PNPLA7: variants seen among roughly 807,000 people sequenced by gnomAD.
PNPLA7 encodes the protein patatin-like phospholipase domain-containing protein 7.
Under a neutral mutation model 161.7 loss-of-function variants are expected in PNPLA7, and 153 were observed. That is an observed-to-expected ratio of 0.95 (90% confidence interval 0.83 to 1.08). The LOEUF (loss-of-function observed/expected upper bound fraction) is 1.08. PNPLA7 is among the 50% of genes least tolerant of loss of function. The pLI, the probability that PNPLA7 is intolerant of heterozygous loss-of-function variation, is 0.00. For synonymous variants in PNPLA7, 809 were observed against 782.1 expected (o/e 1.03, Z -0.57); for missense variants, 1,739 against 1,856.6 (o/e 0.94, Z 1.16).
intron 14 of PNPLA7, among the ~76,000 whole-genome samples, chr9:137,504,209 G>GAGATTTTT (rs1833790651): frequency 6.7e-6 from 1 of 149,238 alleles, no homozygotes; most frequent in East Asian, 2.0e-4. Context: ...AAGAAGAAGA[G>GAGATTTTT]AGATTTTTTT....
Position 137,515,512 on chromosome 9 carries a change from C to T in PNPLA7, c.1092G>A (p.Gly364=), listed in dbSNP as rs956734361. The T allele has an allele frequency of 2.6e-6, 4 of 1,553,708 alleles. No homozygotes were observed. In the African/African-American group the frequency reaches 5.4e-5, roughly 21 times the overall value. ...RLQESCDSDH[G]GGRPAAAGPL... ...GCCCAGCAGCTGCCGGGCGGCCGCC[C>T]CCGTGATCTGCTGGGGAGGCAGCCG... The change falls in exon 12 of 35, where the codon GGG becomes GGA. Residue 364 remains glycine, a synonymous_variant. Transcript: ENST00000406427.
chr9:137,484,640 T>C lies in PNPLA7; in HGVS notation c.2294A>G (p.Glu765Gly), dbSNP rs1282610544. 2 of 1,612,476 alleles carry C rather than the reference T, an allele frequency of 1.2e-6. No homozygotes were observed. Among genetic ancestry groups the C allele is most frequent in the Non-Finnish European group, 1.7e-6 (2 of 1,179,436 alleles). Residue 765 changes from glutamate (E) to glycine (G), a missense_variant, in exon 21 of 35, where the codon GAA (glutamate) becomes GGA (glycine). Around this residue, in one of 6 missense-constraint regions of PNPLA7, gnomAD observed 192 missense variants for 249.5 expected, o/e 0.77. Transcript: ENST00000406427. ...CAGGGCGAAGGCGGTGAGGGGCACT[T>C]CCTCTGACACGGGCATCACTGCCAC... ...STVAVMPVSE[E>G]VPLTAFALEL...
chr9:137,507,239 C>T (rs1466213716), intron 12 of PNPLA7, among the ~76,000 whole-genome samples: 1 of 152,264 alleles, frequency 6.6e-6, no homozygotes, highest in African/African-American at 2.4e-5. Context: ...GGAAAGCAAT[C>T]TATGGCAACA....
chr9:137,495,103 G>A lies in PNPLA7; in HGVS notation c.2057C>T (p.Ala686Val), dbSNP rs1832979981. Residue 686 changes from alanine to valine, a missense_variant, in exon 19 of 35, where the codon GCC (alanine) becomes GTC (valine). Ala to Val is a moderately conservative substitution (Grantham distance 64, BLOSUM62 0). Around this residue, in one of 6 missense-constraint regions of PNPLA7, gnomAD observed 192 missense variants for 249.5 expected, o/e 0.77. Transcript: ENST00000406427. ...CTTGGCCAATTCTGAGTCCCGAACGGCATGCACCGTGGTCGCCCGGGCCTG... is the reference window on the plus strand; with the variant it reads ...CTTGGCCAATTCTGAGTCCCGAACGACATGCACCGTGGTCGCCCGGGCCTG... ...THQARATTVH[A>V]VRDSELAKLP... 3 of 1,608,162 alleles carry A rather than the reference G, an allele frequency of 1.9e-6. No individual in the cohort carries two copies. Among genetic ancestry groups the A allele is most frequent in the Non-Finnish European group, 1.7e-6 (2 of 1,179,236 alleles).
At position 137,542,606 on chromosome 9, in the gene PNPLA7, AGCCGCCTGACCCCGCCCC is replaced by A; in HGVS notation, c.666+18_666+35del. The A allele has an allele frequency of 6.6e-7, 1 of 1,520,498 alleles. No homozygotes were observed. The highest frequency in any genetic ancestry group is 8.9e-7 in the Non-Finnish European group (1 of 1,124,872). The allele number at this position is 1,520,498 out of a possible 1,614,324, so 94.2% of individuals were successfully genotyped here. On this transcript the variant is annotated intron_variant, in intron 7 of 34. Coordinates refer to ENST00000406427, the MANE Select transcript of PNPLA7 (RefSeq NM_001098537.3). ...AAGACAGACGTGGAGGTAAATGCGC[AGCCGCCTGACCCCGCCCC>A]GCCGCCCTGCGACTCACAGTGTCCT...
rs766611470 is a variant in PNPLA7 at position 137,490,157 on chromosome 9, G to A, written c.2197+2856C>T. On this transcript the variant is annotated intron_variant, in intron 20 of 34. Transcript: ENST00000406427. The surrounding 1 kb of genome is among the most constrained non-coding windows in gnomAD (Gnocchi z 4.1). The stretch of plus-strand genomic sequence containing the variant: ...TGACCAGGCTGGACTGCGGTGGCGC[G>A]ATCATAGCTCACTGTAACCTCGAAC... Among the ~76,000 whole-genome samples, 2 of 152,112 alleles carry A rather than the reference G, an allele frequency of 1.3e-5. No homozygotes were observed. Among genetic ancestry groups the A allele is most frequent in the Admixed American group, 6.5e-5 (1 of 15,268 alleles).
intron 18 of PNPLA7, 103 bp from the exon 19 acceptor site, chr9:137,495,249 C>T (rs1396225774): frequency 2.7e-6 from 2 of 741,742 alleles, no homozygotes; most frequent in South Asian, 3.5e-5. Context: ...ACACATGACA[C>T]CCCATCCACA....
chr9:137,519,798 G>C (rs1001486702), intron 11 of PNPLA7, 119 bp downstream of exon 11: 1 of 1,348,054 alleles, frequency 7.4e-7, no homozygotes, highest in Admixed American at 2.4e-5. Context: ...GAGGTGACCC[G>C]GGGATGTGTG....
In PNPLA7 at chr9:137,464,331, G is replaced by C. The variant is rs764508061; in HGVS notation, c.3156+9C>G. On this transcript the variant is annotated intron_variant, in intron 27 of 34. Transcript: ENST00000406427. The stretch of plus-strand genomic sequence containing the variant: ...GGGGCTGCATGGGCTCCTGAGGGTG[G>C]GGGTGCACCTCGATCTGCTGGTCCT... The C allele has an allele frequency of 1.9e-6, 3 of 1,612,206 alleles. No homozygotes were observed. In the South Asian group the frequency reaches 3.3e-5, roughly 18 times the overall value.
intron 15 of PNPLA7, 131 bp from the exon 16 acceptor site, chr9:137,501,027 A>C: frequency 1.4e-6 from 1 of 723,370 alleles, no homozygotes; most frequent in Admixed American, 3.0e-5. Flanking sequence ...AGCTCTGGGC[A>C]TGGACTTCAC....
chr9:137,483,377 G>A (rs1029914975), intron 21 of PNPLA7, among the ~76,000 whole-genome samples: 1 of 152,190 alleles, frequency 6.6e-6, no homozygotes, highest in African/African-American at 2.4e-5. Context: ...GGGAATATGT[G>A]TCATGTAACG....
rs1254851424 is a variant in PNPLA7, at chr9:137,501,692, C to T, written c.1509G>A (p.Leu503=). The change falls in exon 15 of 35, where the codon CTG becomes CTA. Residue 503 remains leucine (L), a synonymous_variant. Coordinates refer to ENST00000406427, the MANE Select transcript of PNPLA7 (RefSeq NM_001098537.3). ...ACACCACCGTGCCTGCAGGAACGTG[C>T]AGAAGCGCCACCCGGCCATCCAACA... is the stretch of plus-strand genomic sequence containing the variant. ...SSLLDGRVAL[L]HVPAGTVVSR... The T allele has an allele frequency of 1.2e-6, 2 of 1,612,694 alleles. No individual in the cohort carries two copies. Among genetic ancestry groups the T allele is most frequent in the South Asian group, 2.2e-5 (2 of 91,078 alleles).
intron 8 of PNPLA7, among the ~76,000 whole-genome samples, chr9:137,526,702 G>T (rs1835321130): frequency 6.6e-6 from 1 of 152,186 alleles, no homozygotes; most frequent in African/African-American, 2.4e-5. Flanking sequence ...TCCCAAGTTT[G>T]CAGTTTTGGA....
In PNPLA7 at chr9:137,540,207, C is replaced by T. The variant is rs1184159603; in HGVS notation, c.747+435G>A. On this transcript the variant is annotated intron_variant, in intron 8 of 34. Coordinates refer to ENST00000406427, the MANE Select transcript of PNPLA7 (RefSeq NM_001098537.3). This position sits in a 1 kb window ranked among gnomAD's most constrained non-coding sequence, Gnocchi z 5.1. Reference sequence around the variant, plus strand: ...GGACACAGGAAACCATTCACTGCAACGACGAAAAGCAAAAGACTGGGAGCC... The same window carrying T: ...GGACACAGGAAACCATTCACTGCAATGACGAAAAGCAAAAGACTGGGAGCC... Among the ~76,000 whole-genome samples the T allele has an allele frequency of 8.5e-5, 13 of 152,176 alleles. No homozygotes were observed. The highest frequency in any genetic ancestry group is 2.1e-4 in the South Asian group (1 of 4,830).
At position 137,547,403 on chromosome 9, in the gene PNPLA7, G is replaced by C. The variant is rs372358005; in HGVS notation, c.106-7C>G. ...CAACTGCAATCCCCGTCAGCTGGCC[G>C]AGAGTGGAAACACGGCGCCCATCAG... On this transcript the variant is annotated splice_region_variant and splice_polypyrimidine_tract_variant and intron_variant, in intron 2 of 34. Transcript: ENST00000406427. This position sits in a 1 kb window ranked among gnomAD's most constrained non-coding sequence, Gnocchi z 4.6. 1.2e-6 allele frequency: 2 copies of C among 1,613,194 alleles called. No individual in the cohort carries two copies. The highest frequency in any genetic ancestry group is 1.7e-6 in the Non-Finnish European group (2 of 1,179,944).
intron 12 of PNPLA7, among the ~76,000 whole-genome samples, chr9:137,511,588 G>A (rs1834241462): frequency 6.6e-6 from 1 of 152,206 alleles, no homozygotes; most frequent in South Asian, 2.1e-4. Context: ...ACCAGGAAAG[G>A]GAGTCTCCCT....
Position 137,543,521 on chromosome 9 carries a change from C to G in PNPLA7, c.417G>C (p.Pro139=). 6.2e-7 allele frequency: 1 copy of G among 1,613,854 alleles called. No homozygotes were observed. The highest frequency in any genetic ancestry group is 8.5e-7 in the Non-Finnish European group (1 of 1,179,908). ...TGAGGTCGGCCTCCAGCAGGGAGGG[C>G]GGGGGCTCCTTGGGCTGCAGGGCCG... ...EYPALQPKEP[P]PSLLEADLTE... is the part of the protein sequence containing the mutation. Residue 139 remains proline, a synonymous_variant, in exon 6 of 35, where the codon CCG becomes CCC. Coordinates refer to ENST00000406427, the MANE Select transcript of PNPLA7 (RefSeq NM_001098537.3). This position sits in a 1 kb window ranked among gnomAD's most constrained non-coding sequence, Gnocchi z 6.9.
chr9:137,460,193 G>A lies in PNPLA7; in HGVS notation c.*200C>T, dbSNP rs1831105649. Reference sequence around the variant, plus strand: ...AGAGCTTCAGGGGCCTCACAGGACTGCAGGGGGGCTCACAGGGCCCTGTAT... The same window carrying A: ...AGAGCTTCAGGGGCCTCACAGGACTACAGGGGGGCTCACAGGGCCCTGTAT... On this transcript the variant is annotated 3_prime_UTR_variant, in exon 35 of 35. Transcript: ENST00000406427. The A allele has an allele frequency of 1.8e-6, 1 of 541,692 alleles. No homozygotes were observed. The highest frequency in any genetic ancestry group is 3.3e-6 in the Non-Finnish European group (1 of 302,420). 33.6% of individuals were successfully genotyped at this position (541,692 alleles called of 1,614,324 possible). A position where few individuals can be genotyped will look rare whatever the true frequency, so the allele number is the denominator to read the frequency against.
Position 137,484,722 on chromosome 9 carries a change from G to T in PNPLA7, c.2212C>A (p.Leu738Ile), listed in dbSNP as rs774651962. Residue 738 changes from leucine (L) to isoleucine (I), a missense_variant, in exon 21 of 35, where the codon CTC (leucine) becomes ATC (isoleucine). Around this residue, in one of 6 missense-constraint regions of PNPLA7, gnomAD observed 192 missense variants for 249.5 expected, o/e 0.77. Transcript: ENST00000406427. The part of the protein sequence containing the change: ...QGPVTGHQLG[L>I]PTEGSKWDLG... Reference sequence around the variant, plus strand: ...TCCCACTTGCTGCCCTCCGTGGGGAGCCCAAGCTGGTGGCCTGTGGAGCAA... The same window carrying T: ...TCCCACTTGCTGCCCTCCGTGGGGATCCCAAGCTGGTGGCCTGTGGAGCAA... 6.2e-7 allele frequency: 1 copy of T among 1,609,768 alleles called. No individual in the cohort carries two copies. Among genetic ancestry groups the T allele is most frequent in the Non-Finnish European group, 8.5e-7 (1 of 1,178,002 alleles).
Sources: gnomAD v4.1 joint callset for allele counts (sites outside exome capture counted in the v4.1 genomes callset) on GRCh38, gnomAD v4.1.1 for gene constraint, gnomAD v4.1.1 regional missense constraint, Gnocchi (gnomAD v3.1) non-coding constraint, MANE v1.5 for transcripts, NCBI Gene and HGNC (gene_info 2026-07-23, HGNC 2026-07-21) for gene names.